The following ATP9A variants were observed in gnomAD, a reference collection of about 807,000 sequenced individuals.
The protein encoded by ATP9A is probable phospholipid-transporting ATPase IIA.
A neutral mutation model predicts 144.1 loss-of-function variants in ATP9A; 52 were observed. That is an observed-to-expected ratio of 0.36 (90% CI 0.29 to 0.45). The LOEUF (loss-of-function observed/expected upper bound fraction) is 0.45, where lower values mean the gene tolerates loss of function less well. ATP9A is among the 20% of genes least tolerant of loss of function. ATP9A has a pLI of 1.00. For synonymous variants in ATP9A, 582 were observed against 557.4 expected, an observed-to-expected ratio of 1.04 and a Z score of -0.62; for missense variants, 947 against 1,392.7, an observed-to-expected ratio of 0.68 and a Z score of 5.09.
At chr20:51,641,332 C>A (rs1482405590) in intron 14 of ATP9A, among the ~76,000 whole-genome samples, 6 of 151,848 alleles carry the variant, frequency 4.0e-5, no homozygotes, top group Non-Finnish European at 8.8e-5. Context: ...CCACTCCAGC[C>A]TGGACAACAG....
chr20:51,712,851 G>C (rs1482423481), intron 4 of ATP9A, 115 bp downstream of exon 4: 2 of 895,576 alleles, frequency 2.2e-6, no homozygotes, highest in African/African-American at 1.6e-5. Context: ...CCAAGCGACT[G>C]TTCCGCCACG....
intron 14 of ATP9A, among the ~76,000 whole-genome samples, chr20:51,642,144 T>G (rs772183862): frequency 1.3e-5 from 2 of 152,076 alleles, no homozygotes; most frequent in African/African-American, 4.8e-5. Flanking sequence ...ATCTGTTTTT[T>G]TTTGTTTGTT....
intron 7 of ATP9A, among the ~76,000 whole-genome samples, chr20:51,692,951 C>A (rs931508098): frequency 2.6e-5 from 4 of 152,182 alleles, no homozygotes; most frequent in African/African-American, 7.2e-5. Context: ...AACTTTCCTC[C>A]TCCCTCAGGG....
chr20:51,680,241 A>C (rs1022403277), intron 9 of ATP9A, among the ~76,000 whole-genome samples: 4 of 151,712 alleles, frequency 2.6e-5, no homozygotes, highest in African/African-American at 7.3e-5. Context: ...AAAAAAAAAA[A>C]AAAAACTTGT....
At position 51,704,384 on chromosome 20, in the gene ATP9A, G is replaced by GT. The variant is rs5841859; in HGVS notation, c.437-6903dup. ...AAGTTTGAGTTTCTGGTGTTTTGTT[G>GT]TTTTTTTTTTTAATTAAACAATAGA... On this transcript the variant is annotated intron_variant, in intron 4 of 27. Coordinates refer to ENST00000338821, the MANE Select transcript of ATP9A (RefSeq NM_006045.3). Among the ~76,000 whole-genome samples the GT allele has an allele frequency of 9.2e-4, 137 of 148,276 alleles. 1 individual carries two copies. Among genetic ancestry groups the GT allele is most frequent in the South Asian group, 6.6e-3 (31 of 4,666 alleles).
intron 15 of ATP9A, among the ~76,000 whole-genome samples, chr20:51,632,880 TG>T (rs1309289069): frequency 6.6e-6 from 1 of 152,106 alleles, no homozygotes; most frequent in Non-Finnish European, 1.5e-5. Context: ...TCCAGCACTT[TG>T]GGGGGCCGAG....
rs760476136 is a variant in ATP9A, at chr20:51,619,050, G to A, written c.2116-7C>T. On this transcript the variant is annotated splice_region_variant and splice_polypyrimidine_tract_variant and intron_variant, in intron 19 of 27. Coordinates refer to ENST00000338821, the MANE Select transcript of ATP9A (RefSeq NM_006045.3). ...CCTCCCCGCGGTTGGTCACCTGGAA[G>A]GGAACAGAGATGGGGAAGGAGGCAT... 1 of 1,611,760 alleles carries A rather than the reference G, an allele frequency of 6.2e-7. No individual in the cohort carries two copies. The highest frequency in any genetic ancestry group is 1.3e-5 in the African/African-American group (1 of 74,880).
chr20:51,671,187 C>T lies in ATP9A; in HGVS notation c.1108G>A (p.Gly370Arg), dbSNP rs200746588. The change falls in exon 12 of 28, where the codon GGG becomes AGG. Residue 370 changes from glycine to arginine, a missense_variant. This residue lies in a region of ATP9A where 770 missense variants were observed against 1,047.9 expected (regional missense o/e 0.73). Transcript: ENST00000338821. ...WVIRRDSKIP[G>R]TVVRSSTIPE... ...ATCGTGCTGGAGCGAACCACGGTCC[C>T]GGGGATTTTCGAGTCCCTTCGAATC... The T allele has an allele frequency of 1.6e-4, 257 of 1,613,916 alleles. 1 individual carries two copies. Among genetic ancestry groups the T allele is most frequent in the Non-Finnish European group, 7.0e-5 (83 of 1,179,996 alleles).
chr20:51,682,840 G>A (rs376080413), intron 9 of ATP9A, among the ~76,000 whole-genome samples: 21 of 143,852 alleles, frequency 1.5e-4, no homozygotes, highest in East Asian at 1.3e-3. Flanking sequence ...TGATCCAGCC[G>A]CATTGGCCTC....
intron 19 of ATP9A, 29 bp downstream of exon 19, chr20:51,622,045 A>C: frequency 6.3e-7 from 1 of 1,597,678 alleles, no homozygotes; most frequent in Non-Finnish European, 8.6e-7. Context: ...CATCATCCCC[A>C]CATGGCCCTA....
intron 1 of ATP9A, among the ~76,000 whole-genome samples, chr20:51,759,331 G>A (rs1225597340): frequency 6.6e-6 from 1 of 152,202 alleles, no homozygotes; most frequent in Non-Finnish European, 1.5e-5. Flanking sequence ...ACCCCTATAT[G>A]CTTGGTATCT....
intron 1 of ATP9A, among the ~76,000 whole-genome samples, chr20:51,746,040 G>A (rs1023746387): frequency 9.9e-5 from 15 of 152,210 alleles, no homozygotes; most frequent in African/African-American, 3.1e-4. Context: ...CATGGATTGA[G>A]CTGGAGGCTA....
intron 4 of ATP9A, among the ~76,000 whole-genome samples, chr20:51,711,903 T>C (rs1352962406): frequency 6.8e-6 from 1 of 147,434 alleles, no homozygotes; most frequent in Admixed American, 7.0e-5. Flanking sequence ...TCACCCAGGC[T>C]GGAGTGCAAT....
In ATP9A at chr20:51,693,993, G is replaced by A. The variant is rs767213841; in HGVS notation, c.642+15C>T. On this transcript the variant is annotated intron_variant, in intron 7 of 27. Transcript: ENST00000338821. ...TAGGTTGCCCGCATGGGCTTCTGCA[G>A]GGAAAGCTACTCACGGCGGCCGTGG... 2.5e-6 allele frequency: 4 copies of A among 1,610,334 alleles called. No individual in the cohort carries two copies. The highest frequency in any genetic ancestry group is 3.4e-5 in the Admixed American group (2 of 59,506).
Position 51,671,227 on chromosome 20 carries a change from G to T in ATP9A, c.1068C>A (p.Ile356=). ...SLRVNLDMGK[I]VYSWVIRRDS... ...CCCTTCGAATCACCCAGCTGTACAC[G>T]ATCTTGCCCATGTCCAGGTTCACAC... The change falls in exon 12 of 28, where the codon ATC becomes ATA. Residue 356 remains isoleucine, a synonymous_variant. Transcript: ENST00000338821. 6.2e-7 allele frequency: 1 copy of T among 1,613,962 alleles called. No individual in the cohort carries two copies.
In ATP9A at chr20:51,601,054, G is replaced by C; in HGVS notation, c.*157C>G. The stretch of plus-strand genomic sequence containing the variant: ...GGACCCTCCCTCCCGTTGATGCAGC[G>C]TTAGGACTCCGTTTAGGCGCAGAGC... On this transcript the variant is annotated 3_prime_UTR_variant, in exon 28 of 28. Transcript: ENST00000338821. The C allele has an allele frequency of 1.1e-6, 1 of 905,126 alleles. No individual in the cohort carries two copies. The highest frequency in any genetic ancestry group is 2.2e-5 in the South Asian group (1 of 45,966). The allele number at this position is 905,126 out of a possible 1,614,324, so 56.1% of individuals were successfully genotyped here. A position where few individuals can be genotyped will look rare whatever the true frequency, so the allele number is the denominator to read the frequency against.
chr20:51,611,716 G>A lies in ATP9A; in HGVS notation c.2572-1551C>T, dbSNP rs568094197. Among the ~76,000 whole-genome samples the A allele has an allele frequency of 8.5e-5, 13 of 152,260 alleles. No individual in the cohort carries two copies. In the South Asian group the frequency reaches 2.5e-3, roughly 29 times the overall value. ...AGCTTTTGTGTATGAGTCCAAGGAC[G>A]GGCTGATTAATCTCCCAATCATTAA... On this transcript the variant is annotated intron_variant, in intron 23 of 27. Coordinates refer to ENST00000338821, the MANE Select transcript of ATP9A (RefSeq NM_006045.3). The surrounding 1 kb of genome is among the most constrained non-coding windows in gnomAD (Gnocchi z 4.2).
At chr20:51,767,292 T>G (rs2077909022) in intron 1 of ATP9A, among the ~76,000 whole-genome samples, 1 of 152,002 alleles carries the variant, frequency 6.6e-6, no homozygotes, top group South Asian at 2.1e-4. Flanking sequence ...CAGCCTCACC[T>G]GCGCGGCCTG....
At chr20:51,632,457 T>G (rs2077273753) in intron 15 of ATP9A, among the ~76,000 whole-genome samples, 1 of 152,214 alleles carries the variant, frequency 6.6e-6, no homozygotes, top group South Asian at 2.1e-4. Context: ...TTGGGTTATA[T>G]GAACACATCA....
Sources: allele counts gnomAD v4.1 joint callset (sites outside exome capture counted in the v4.1 genomes callset), GRCh38; gene constraint gnomAD v4.1.1; regional missense constraint gnomAD v4.1.1; non-coding constraint Gnocchi (gnomAD v3.1); transcripts MANE v1.5; gene names NCBI Gene and HGNC (gene_info 2026-07-23, HGNC 2026-07-21).